PPP2CB: variants seen among roughly 807,000 people sequenced by gnomAD.
The protein encoded by PPP2CB is serine/threonine-protein phosphatase 2A catalytic subunit beta isoform.
In PPP2CB, 18 loss-of-function variants were observed where a neutral mutation model predicts 39.1. The ratio of observed to expected loss-of-function variants is 0.46; its 90% CI spans 0.32 to 0.68. The LOEUF is 0.68. PPP2CB is among the 30% of genes least tolerant of loss of function. The pLI is 0.04. For synonymous variants in PPP2CB, 129 were observed against 133.8 expected (o/e 0.96, Z 0.25); for missense variants, 226 against 396.9 (o/e 0.57, Z 3.66).
At chr8:30,789,664 T>C (rs564884120) in intron 6 of PPP2CB, among the ~76,000 whole-genome samples, 3 of 152,176 alleles carry the variant, frequency 2.0e-5, no homozygotes, top group African/African-American at 7.2e-5. Context: ...ACCTAGGAGG[T>C]GCTCCTGGAT....
At chr8:30,801,893 G>A (rs1004940370) in intron 1 of PPP2CB, among the ~76,000 whole-genome samples, 4 of 152,014 alleles carry the variant, frequency 2.6e-5, no homozygotes, top group Admixed American at 2.0e-4. Context: ...ACTCTAAAGA[G>A]CAGGGACAAT....
intron 6 of PPP2CB, among the ~76,000 whole-genome samples, chr8:30,788,350 A>G (rs1806377342): frequency 6.6e-6 from 1 of 151,604 alleles, no homozygotes; most frequent in Non-Finnish European, 1.5e-5. Context: ...TGCAGCCTTG[A>G]TCAACTGGGC....
At chr8:30,804,908 T>C (rs560207860) in intron 1 of PPP2CB, among the ~76,000 whole-genome samples, 1 of 152,030 alleles carries the variant, frequency 6.6e-6, no homozygotes, top group Non-Finnish European at 1.5e-5. Context: ...AAAAAGAGTC[T>C]CTTGAATTCA....
intron 1 of PPP2CB, among the ~76,000 whole-genome samples, chr8:30,805,542 A>G (rs934103894): frequency 6.6e-6 from 1 of 152,084 alleles, no homozygotes; most frequent in Non-Finnish European, 1.5e-5. Flanking sequence ...CCTGGATGAC[A>G]GAGAGAGAGA....
chr8:30,811,899 T>C (rs1399588870), intron 1 of PPP2CB, among the ~76,000 whole-genome samples: 1 of 152,196 alleles, frequency 6.6e-6, no homozygotes, highest in East Asian at 1.9e-4. Flanking sequence ...TAATTTTAGT[T>C]GCATTTTCAG....
At position 30,786,216 on chromosome 8, in the gene PPP2CB, C is replaced by G. The variant is rs992956774; in HGVS notation, c.*19G>C. 2.0e-6 allele frequency: 3 copies of G among 1,533,204 alleles called. No individual in the cohort carries two copies. The African/African-American group carries it at 4.1e-5, about 21-fold the overall frequency. The allele number at this position is 1,533,204 out of a possible 1,614,324, so 95.0% of individuals were successfully genotyped here. On this transcript the variant is annotated 3_prime_UTR_variant, in exon 7 of 7. Transcript: ENST00000221138. ...CCAGGTATACTTCCACATACAAAGG[C>G]AGGTTTCCCAGGAGAAATTTATAGG...
At chr8:30,804,183 T>C (rs1586126879) in intron 1 of PPP2CB, among the ~76,000 whole-genome samples, 1 of 152,326 alleles carries the variant, frequency 6.6e-6, no homozygotes, top group African/African-American at 2.4e-5. Flanking sequence ...ATCCCTCACA[T>C]TGCACACACT....
intron 5 of PPP2CB, among the ~76,000 whole-genome samples, chr8:30,792,116 G>A (rs1485427651): frequency 2.0e-5 from 3 of 151,734 alleles, no homozygotes; most frequent in African/African-American, 7.3e-5. Context: ...GAGTGCAGTG[G>A]TGCGATCTAG....
Position 30,794,073 on chromosome 8 carries a change from T to G in PPP2CB, c.582A>C (p.Pro194=), listed in dbSNP as rs769332001. 8 of 1,607,578 alleles carry G rather than the reference T, an allele frequency of 5.0e-6. No individual in the cohort carries two copies. Among genetic ancestry groups the G allele is most frequent in the Non-Finnish European group, 6.8e-6 (8 of 1,176,474 alleles). Residue 194 remains proline, a synonymous_variant, in exon 5 of 7, where the codon CCA becomes CCC. Transcript: ENST00000221138. ...DRLQEVPHEG[P]MCDLLWSDPD... ...GATCTGACCATAACAGATCACACATTGGGCCCTGGCCAAGAAAAATAAGTA... is the reference window on the plus strand; with the variant it reads ...GATCTGACCATAACAGATCACACATGGGGCCCTGGCCAAGAAAAATAAGTA...
chr8:30,809,380 A>G (rs1442807246), intron 1 of PPP2CB, among the ~76,000 whole-genome samples: 1 of 152,064 alleles, frequency 6.6e-6, no homozygotes, highest in Non-Finnish European at 1.5e-5. Context: ...AACAAGGAGG[A>G]TGGGGTAGGG....
intron 1 of PPP2CB, among the ~76,000 whole-genome samples, chr8:30,802,845 G>A (rs1389551400): frequency 6.6e-6 from 1 of 152,252 alleles, no homozygotes; most frequent in Middle Eastern, 3.4e-3. Context: ...TGCTAAAAGA[G>A]AGAAGCCAAA....
chr8:30,795,724 G>A (rs1806512106), intron 3 of PPP2CB, among the ~76,000 whole-genome samples: 1 of 152,140 alleles, frequency 6.6e-6, no homozygotes, highest in South Asian at 2.1e-4. Context: ...GCTATTGGTT[G>A]TTTACTTATA....
chr8:30,796,846 AT>A (rs1274861726), intron 3 of PPP2CB, among the ~76,000 whole-genome samples: 5 of 151,764 alleles, frequency 3.3e-5, no homozygotes, highest in African/African-American at 1.2e-4. Flanking sequence ...ATTTGCTTCT[AT>A]TTTCTTTTTT....
intron 1 of PPP2CB, among the ~76,000 whole-genome samples, chr8:30,809,682 C>G (rs984892536): frequency 1.3e-5 from 2 of 152,088 alleles, no homozygotes; most frequent in African/African-American, 4.8e-5. Context: ...GGCTCACTCC[C>G]GCAATCCCTG....
intron 1 of PPP2CB, among the ~76,000 whole-genome samples, chr8:30,808,250 C>G (rs576634786): frequency 1.3e-5 from 2 of 152,174 alleles, no homozygotes; most frequent in African/African-American, 2.4e-5. Context: ...AGGCACACAC[C>G]GCCATGCCCG....
intron 1 of PPP2CB, among the ~76,000 whole-genome samples, chr8:30,806,944 G>A (rs886612914): frequency 2.6e-5 from 4 of 152,058 alleles, no homozygotes; most frequent in South Asian, 4.1e-4. Context: ...TATTTGACAC[G>A]TCATATATAA....
At chr8:30,809,792 C>G (rs1002109565) in intron 1 of PPP2CB, among the ~76,000 whole-genome samples, 6 of 151,940 alleles carry the variant, frequency 3.9e-5, no homozygotes, top group Non-Finnish European at 8.8e-5. Flanking sequence ...AAAAAATTAT[C>G]CCGGTGTGGT....
chr8:30,789,596 A>G (rs1363363674), intron 6 of PPP2CB, among the ~76,000 whole-genome samples: 3 of 152,224 alleles, frequency 2.0e-5, no homozygotes, highest in East Asian at 1.9e-4. Context: ...AACCTTGGGC[A>G]TGCACATATT....
intron 1 of PPP2CB, among the ~76,000 whole-genome samples, chr8:30,804,391 T>C (rs1364061005): frequency 6.6e-6 from 1 of 152,208 alleles, no homozygotes; most frequent in Admixed American, 6.5e-5. Flanking sequence ...CTGGGGGCTC[T>C]GACCTGCGGA....
Sources: gnomAD v4.1 joint callset for allele counts (sites outside exome capture counted in the v4.1 genomes callset) on GRCh38, gnomAD v4.1.1 for gene constraint, MANE v1.5 for transcripts, NCBI Gene and HGNC (gene_info 2026-07-23, HGNC 2026-07-21) for gene names.